LRMDA: variants seen among roughly 807,000 people sequenced by gnomAD.
LRMDA encodes the protein leucine rich melanocyte differentiation associated.
LRMDA carries 18 observed loss-of-function variants against 29.8 expected under a neutral mutation model. The observed-to-expected ratio is 0.60, with a 90% CI of 0.42 to 0.90. The LOEUF (loss-of-function observed/expected upper bound fraction) is 0.90. Ranked by LOEUF, LRMDA falls within the 40% of genes least tolerant of loss-of-function variation. The probability of loss-of-function intolerance (pLI) is 0.00; values close to 1 mark genes in which losing one functional copy is unlikely to be tolerated. For missense variants in LRMDA, 273 were observed against 273.9 expected, an observed-to-expected ratio of 1.00 and a Z score of 0.02; for synonymous variants, 125 against 109.4, an observed-to-expected ratio of 1.14 and a Z score of -0.89.
intron 5 of LRMDA, among the ~76,000 whole-genome samples, chr10:76,280,040 T>C (rs976787667): frequency 6.6e-6 from 1 of 152,178 alleles, no homozygotes; most frequent in Non-Finnish European, 1.5e-5. Context: ...TGAAATTAGA[T>C]GTTTAGGCAA....
intron 2 of LRMDA, among the ~76,000 whole-genome samples, chr10:76,033,460 A>G (rs751296033): frequency 4.6e-5 from 7 of 152,144 alleles, no homozygotes; most frequent in Non-Finnish European, 1.0e-4. Flanking sequence ...CCTGAGGGGA[A>G]GAAAGGCTGG....
At chr10:76,513,362 A>G (rs1843027240) in intron 6 of LRMDA, among the ~76,000 whole-genome samples, 1 of 152,122 alleles carries the variant, frequency 6.6e-6, no homozygotes, top group Non-Finnish European at 1.5e-5. Flanking sequence ...TTCTAATTGG[A>G]TCAAATTATG....
At chr10:76,238,351 A>G (rs1200128013) in intron 5 of LRMDA, among the ~76,000 whole-genome samples, 1 of 151,800 alleles carries the variant, frequency 6.6e-6, no homozygotes, top group Admixed American at 6.6e-5. Context: ...GACTTTTAGC[A>G]AGATGGCCAA....
At chr10:76,476,881 G>T (rs1842679019) in intron 6 of LRMDA, among the ~76,000 whole-genome samples, 1 of 152,074 alleles carries the variant, frequency 6.6e-6, no homozygotes, top group Non-Finnish European at 1.5e-5. Flanking sequence ...CAATAAATTA[G>T]TTATTGATGG....
intron 6 of LRMDA, among the ~76,000 whole-genome samples, chr10:76,449,171 A>G (rs1842381819): frequency 6.6e-6 from 1 of 151,856 alleles, no homozygotes. Context: ...ATATATGTAT[A>G]TATATGAGTT....
intron 2 of LRMDA, among the ~76,000 whole-genome samples, chr10:75,641,546 G>C (rs964363294): frequency 6.6e-6 from 1 of 152,014 alleles, no homozygotes; most frequent in Non-Finnish European, 1.5e-5. Context: ...CACTCAGGCT[G>C]GAGTGCAGTG....
intron 2 of LRMDA, among the ~76,000 whole-genome samples, chr10:75,733,415 T>A (rs1238093934): frequency 1.3e-5 from 2 of 152,238 alleles, no homozygotes; most frequent in Non-Finnish European, 2.9e-5. Flanking sequence ...ACTGTCATAT[T>A]TGTCATGCTT....
At chr10:76,161,766 C>T (rs11001647) in intron 5 of LRMDA, among the ~76,000 whole-genome samples, 1 of 152,184 alleles carries the variant, frequency 6.6e-6, no homozygotes, top group East Asian at 1.9e-4. Flanking sequence ...ACAAGATAGA[C>T]CTAGATGTGG....
intron 6 of LRMDA, among the ~76,000 whole-genome samples, chr10:76,377,604 C>A (rs936505409): frequency 5.9e-5 from 9 of 152,178 alleles, no homozygotes; most frequent in Non-Finnish European, 1.0e-4. Flanking sequence ...TATGGCTACC[C>A]AATTTTCCCA....
intron 2 of LRMDA, among the ~76,000 whole-genome samples, chr10:75,466,894 TA>T (rs1019508739): frequency 6.6e-6 from 1 of 151,540 alleles, no homozygotes; most frequent in African/African-American, 2.4e-5. Context: ...AAGAAAAAAT[TA>T]AAAAAAACCA....
intron 2 of LRMDA, among the ~76,000 whole-genome samples, chr10:76,029,654 T>A (rs1848117243): frequency 1.3e-5 from 2 of 152,212 alleles, no homozygotes. Flanking sequence ...CTCCTTATTC[T>A]CCATTACTAA....
intron 5 of LRMDA, among the ~76,000 whole-genome samples, chr10:76,116,093 G>A (rs1849663800): frequency 6.6e-6 from 1 of 152,146 alleles, no homozygotes. Context: ...CTGTGGGTAT[G>A]AATGTGGGAT....
At chr10:76,090,901 A>T (rs965727187) in intron 5 of LRMDA, among the ~76,000 whole-genome samples, 2 of 152,196 alleles carry the variant, frequency 1.3e-5, no homozygotes, top group South Asian at 2.1e-4. Context: ...TTGGAAGAGG[A>T]AGAGTTCTGG....
intron 2 of LRMDA, among the ~76,000 whole-genome samples, chr10:75,967,582 C>T (rs1846885236): frequency 6.6e-6 from 1 of 152,156 alleles, no homozygotes; most frequent in African/African-American, 2.4e-5. Flanking sequence ...TTTGATAAAT[C>T]ATCAGCAGAA....
chr10:76,283,620 G>C (rs1840234148), intron 5 of LRMDA, among the ~76,000 whole-genome samples: 1 of 152,104 alleles, frequency 6.6e-6, no homozygotes. Context: ...ACAACAAAGA[G>C]TGCTATATAG....
chr10:75,923,033 AAG>A (rs1266541959), intron 2 of LRMDA, among the ~76,000 whole-genome samples: 1 of 152,202 alleles, frequency 6.6e-6, no homozygotes, highest in Admixed American at 6.5e-5. Context: ...CAGAGAGGTT[AAG>A]TGACTTTCCT....
chr10:75,862,178 TCACACACA>T (rs3042514), intron 2 of LRMDA, among the ~76,000 whole-genome samples: 10 of 147,582 alleles, frequency 6.8e-5, no homozygotes, highest in Admixed American at 1.4e-4. Flanking sequence ...AACCTTGGGT[TCACACACA>T]CACACACACA....
chr10:75,992,145 G>T (rs955827788), intron 2 of LRMDA, among the ~76,000 whole-genome samples: 2 of 152,048 alleles, frequency 1.3e-5, no homozygotes, highest in Non-Finnish European at 2.9e-5. Flanking sequence ...GAGGAAAAAG[G>T]GGTCCAGATA....
chr10:75,582,767 T>C (rs531812057), intron 2 of LRMDA, among the ~76,000 whole-genome samples: 1 of 152,268 alleles, frequency 6.6e-6, no homozygotes, highest in Non-Finnish European at 1.5e-5. Flanking sequence ...TCTGAACTTT[T>C]ATGCTCTGCT....
Sources: gnomAD v4.1 joint callset for allele counts (sites outside exome capture counted in the v4.1 genomes callset) on GRCh38, gnomAD v4.1.1 for gene constraint, MANE v1.5 for transcripts, NCBI Gene and HGNC (gene_info 2026-07-23, HGNC 2026-07-21) for gene names.